ZBTB20: variants seen among roughly 807,000 people sequenced by gnomAD.
ZBTB20 encodes the protein zinc finger and BTB domain containing 20.
ZBTB20 carries 9 observed loss-of-function variants against 56.9 expected under a neutral mutation model. The observed-to-expected ratio is 0.16, with a 90% CI of 0.10 to 0.28. The LOEUF (loss-of-function observed/expected upper bound fraction) is 0.28, where lower values mean the gene tolerates loss of function less well. ZBTB20 is among the 10% of genes least tolerant of loss of function. ZBTB20 has a pLI of 1.00. For synonymous variants in ZBTB20, 417 were observed against 420.7 expected (o/e 0.99, Z 0.11); for missense variants, 655 against 1,003.0 (o/e 0.65, Z 4.69).
chr3:114,501,168 A>G (rs1230492436), intron 6 of ZBTB20, among the ~76,000 whole-genome samples: 1 of 152,182 alleles, frequency 6.6e-6, no homozygotes, highest in Non-Finnish European at 1.5e-5. Flanking sequence ...TATGGTGGAA[A>G]ATAATCTGAT....
At chr3:114,874,513 A>G (rs183218408) in intron 4 of ZBTB20, among the ~76,000 whole-genome samples, 2 of 152,186 alleles carry the variant, frequency 1.3e-5, no homozygotes, top group Admixed American at 1.3e-4. Flanking sequence ...CTTTGATTTC[A>G]GCAGCAGCAA....
At chr3:114,838,260 A>G (rs1350774799) in intron 4 of ZBTB20, among the ~76,000 whole-genome samples, 1 of 152,208 alleles carries the variant, frequency 6.6e-6, no homozygotes, top group South Asian at 2.1e-4. Context: ...TGTTTTTATA[A>G]TGATGGTATT....
chr3:114,715,000 G>T (rs2064364620), intron 5 of ZBTB20, among the ~76,000 whole-genome samples: 1 of 151,940 alleles, frequency 6.6e-6, no homozygotes, highest in Admixed American at 6.6e-5. Flanking sequence ...TCCCCTTTAG[G>T]CAACAATGCA....
intron 6 of ZBTB20, among the ~76,000 whole-genome samples, chr3:114,626,130 G>A (rs945687385): frequency 3.3e-5 from 5 of 152,214 alleles, no homozygotes; most frequent in Non-Finnish European, 2.9e-5. Context: ...GTCCTTTTAA[G>A]AGGAGTAATG....
At chr3:115,049,519 T>C (rs185776039) in intron 2 of ZBTB20, among the ~76,000 whole-genome samples, 6 of 152,306 alleles carry the variant, frequency 3.9e-5, no homozygotes, top group African/African-American at 4.8e-5. Flanking sequence ...ATATACCTTA[T>C]ATACGTAGCC....
chr3:114,802,774 T>C (rs1335759834), intron 4 of ZBTB20, among the ~76,000 whole-genome samples: 1 of 151,932 alleles, frequency 6.6e-6, no homozygotes, highest in East Asian at 1.9e-4. Flanking sequence ...TCTGGATAAA[T>C]CTAATTCACC....
intron 5 of ZBTB20, among the ~76,000 whole-genome samples, chr3:114,699,441 GT>G (rs200196167): frequency 4.0e-5 from 6 of 150,078 alleles, no homozygotes; most frequent in Non-Finnish European, 8.9e-5. Context: ...TGGTTAAACA[GT>G]TTTTTTTTGG....
At chr3:114,521,965 A>C (rs1343080622) in intron 6 of ZBTB20, among the ~76,000 whole-genome samples, 2 of 152,092 alleles carry the variant, frequency 1.3e-5, no homozygotes, top group African/African-American at 4.8e-5. Flanking sequence ...TTTACTGAAC[A>C]CTCTCTATGT....
chr3:115,126,485 T>C (rs1295136982), intron 1 of ZBTB20, among the ~76,000 whole-genome samples: 2 of 152,132 alleles, frequency 1.3e-5, no homozygotes, highest in African/African-American at 4.8e-5. Context: ...AAGGATAGAT[T>C]ATACTGTGGT....
intron 4 of ZBTB20, among the ~76,000 whole-genome samples, chr3:114,844,330 A>ATATATATATAT (rs2074542977): frequency 1.0e-5 from 1 of 99,302 alleles, no homozygotes; most frequent in African/African-American, 6.0e-5. Flanking sequence ...TACTGGAGTA[A>ATATATATATAT]ATATATATAT....
intron 2 of ZBTB20, among the ~76,000 whole-genome samples, chr3:115,057,879 G>T (rs1050199839): frequency 6.6e-6 from 1 of 152,044 alleles, no homozygotes; most frequent in African/African-American, 2.4e-5. Flanking sequence ...ACTCAAGACT[G>T]GGTAATTTAT....
chr3:114,733,884 C>T (rs774957027), intron 5 of ZBTB20, among the ~76,000 whole-genome samples: 11 of 152,114 alleles, frequency 7.2e-5, no homozygotes, highest in Admixed American at 3.3e-4. Flanking sequence ...ATGTACAATA[C>T]GGAATTTTAG....
chr3:114,426,393 A>T (rs1212179073), intron 7 of ZBTB20, among the ~76,000 whole-genome samples: 1 of 149,872 alleles, frequency 6.7e-6, no homozygotes, highest in African/African-American at 2.5e-5. Flanking sequence ...CTCCAAACAT[A>T]TTCTCAATGG....
intron 2 of ZBTB20, among the ~76,000 whole-genome samples, chr3:114,978,136 A>G (rs1020692367): frequency 7.3e-5 from 11 of 151,458 alleles, no homozygotes; most frequent in Non-Finnish European, 1.6e-4. Context: ...CTTTATAAAT[A>G]AATAAACATA....
intron 3 of ZBTB20, among the ~76,000 whole-genome samples, chr3:114,941,481 A>C (rs1322874212): frequency 6.8e-6 from 1 of 146,116 alleles, no homozygotes. Flanking sequence ...AGGACCGTAA[A>C]TTTTCACCAA....
chr3:115,033,130 G>C (rs2080771241), intron 2 of ZBTB20, among the ~76,000 whole-genome samples: 1 of 150,692 alleles, frequency 6.6e-6, no homozygotes, highest in African/African-American at 2.4e-5. Flanking sequence ...TATATACTAA[G>C]AAAAAAAGAG....
chr3:114,480,178 G>A (rs1005841380), intron 7 of ZBTB20, among the ~76,000 whole-genome samples: 3 of 152,142 alleles, frequency 2.0e-5, no homozygotes, highest in Middle Eastern at 3.4e-3. Flanking sequence ...CTTTCATGCT[G>A]AGATTTCTCA....
intron 7 of ZBTB20, among the ~76,000 whole-genome samples, chr3:114,424,669 T>A (rs1408686564): frequency 6.6e-6 from 1 of 152,152 alleles, no homozygotes; most frequent in Non-Finnish European, 1.5e-5. Context: ...GCACAGAACC[T>A]CCATCCCCTG....
intron 6 of ZBTB20, among the ~76,000 whole-genome samples, chr3:114,630,787 T>C (rs1449982252): frequency 6.6e-6 from 1 of 152,208 alleles, no homozygotes; most frequent in Non-Finnish European, 1.5e-5. Flanking sequence ...GATACATTTT[T>C]GCAGAGCAGG....
Sources: allele counts gnomAD v4.1 joint callset (sites outside exome capture counted in the v4.1 genomes callset), GRCh38; gene constraint gnomAD v4.1.1; transcripts MANE v1.5; gene names NCBI Gene and HGNC (gene_info 2026-07-23, HGNC 2026-07-21).